GUCY1A2: variants seen among roughly 807,000 people sequenced by gnomAD.
GUCY1A2 encodes guanylate cyclase 1 soluble subunit alpha 2.
In GUCY1A2, 27 loss-of-function variants were observed where a neutral mutation model predicts 63.5. The observed-to-expected ratio is 0.43, with a 90% CI of 0.31 to 0.59. The LOEUF is 0.59. GUCY1A2 is among the 20% of genes least tolerant of loss of function. The pLI is 0.11. For synonymous variants in GUCY1A2, 364 were observed against 343.5 expected, an observed-to-expected ratio of 1.06 and a Z score of -0.66; for missense variants, 768 against 913.3, an observed-to-expected ratio of 0.84 and a Z score of 2.05.
chr11:106,699,565 CT>C (rs1490874155), intron 7 of GUCY1A2, among the ~76,000 whole-genome samples: 1 of 152,074 alleles, frequency 6.6e-6, no homozygotes, highest in Non-Finnish European at 1.5e-5. Flanking sequence ...AGATTAATGC[CT>C]TTAAATTCTG....
Position 107,018,158 on chromosome 11 carries a change from G to A in GUCY1A2, c.-103C>T. Reference sequence around the variant, plus strand: ...GGCAAGCGACAACGTTAAGCGCGTCGGGGCCGCGGGGCGCTGCGGTCGCGC... The same window carrying A: ...GGCAAGCGACAACGTTAAGCGCGTCAGGGCCGCGGGGCGCTGCGGTCGCGC... On this transcript the variant is annotated 5_prime_UTR_variant, in exon 1 of 8. An upstream open reading frame in the 5' UTR gains an earlier in-frame stop. Transcript: ENST00000526355. 1 of 583,150 alleles carries A rather than the reference G, an allele frequency of 1.7e-6. No homozygotes were observed. Among genetic ancestry groups the A allele is most frequent in the Non-Finnish European group, 2.4e-6 (1 of 414,560 alleles). 36.1% of individuals were successfully genotyped at this position (583,150 alleles called of 1,614,324 possible).
intron 4 of GUCY1A2, among the ~76,000 whole-genome samples, chr11:106,884,223 C>G (rs1263623400): frequency 2.0e-5 from 3 of 152,010 alleles, no homozygotes; most frequent in Non-Finnish European, 4.4e-5. Flanking sequence ...CTTCATTTTG[C>G]CTTTATGGTG....
chr11:106,859,049 T>G (rs1422694374), intron 4 of GUCY1A2, among the ~76,000 whole-genome samples: 1 of 152,064 alleles, frequency 6.6e-6, no homozygotes, highest in Non-Finnish European at 1.5e-5. Flanking sequence ...CTGGCCTCTT[T>G]TTGTCATAAT....
intron 4 of GUCY1A2, among the ~76,000 whole-genome samples, chr11:106,913,483 C>T (rs1860324270): frequency 6.6e-6 from 1 of 152,078 alleles, no homozygotes; most frequent in Non-Finnish European, 1.5e-5. Flanking sequence ...ACTCACTCAT[C>T]ACCATGAGGA....
At chr11:106,752,432 G>A (rs1380534605) in intron 6 of GUCY1A2, among the ~76,000 whole-genome samples, 1 of 152,114 alleles carries the variant, frequency 6.6e-6, no homozygotes, top group African/African-American at 2.4e-5. Flanking sequence ...TGTTACATAG[G>A]TATACATGTG....
At chr11:106,974,008 C>T (rs1325859419) in intron 3 of GUCY1A2, among the ~76,000 whole-genome samples, 2 of 152,036 alleles carry the variant, frequency 1.3e-5, no homozygotes, top group Admixed American at 1.3e-4. Context: ...TGAAGTAAAT[C>T]ATTCCAGTTC....
chr11:106,995,649 C>T (rs1191917957), intron 1 of GUCY1A2, among the ~76,000 whole-genome samples: 5 of 152,166 alleles, frequency 3.3e-5, no homozygotes, highest in African/African-American at 4.8e-5. Context: ...TAAAGTATTA[C>T]ACAAATATGT....
In GUCY1A2 at chr11:106,827,795, G is replaced by C. The variant is rs1858992145; in HGVS notation, c.1207-17317C>G. ...CCAAGAGAATATCTTCTGATGGAAA[G>C]TGAGTAGCCAACTGCTCCGCACAAG... is the stretch of plus-strand genomic sequence containing the variant. On this transcript the variant is annotated intron_variant, in intron 4 of 7. Transcript: ENST00000526355. The C allele has an allele frequency of 3.8e-6, 6 of 1,570,446 alleles. No individual in the cohort carries two copies. In the South Asian group the frequency reaches 6.7e-5, roughly 17 times the overall value.
At chr11:106,897,416 T>C (rs971144736) in intron 4 of GUCY1A2, among the ~76,000 whole-genome samples, 2 of 152,020 alleles carry the variant, frequency 1.3e-5, no homozygotes, top group African/African-American at 4.8e-5. Context: ...AAAAATAAAG[T>C]TGGAGGACTG....
intron 4 of GUCY1A2, among the ~76,000 whole-genome samples, chr11:106,855,222 G>A (rs534371031): frequency 6.6e-6 from 1 of 152,260 alleles, no homozygotes; most frequent in Admixed American, 6.5e-5. Context: ...CTAAGGGCCT[G>A]TGAGTGCTGA....
At chr11:106,877,395 T>C (rs1232880537) in intron 4 of GUCY1A2, among the ~76,000 whole-genome samples, 3 of 152,048 alleles carry the variant, frequency 2.0e-5, no homozygotes, top group Non-Finnish European at 4.4e-5. Context: ...CTTCAAACTA[T>C]ACTATAGGGC....
intron 6 of GUCY1A2, among the ~76,000 whole-genome samples, chr11:106,760,020 C>T (rs1864038549): frequency 6.7e-6 from 1 of 149,970 alleles, no homozygotes; most frequent in Non-Finnish European, 1.5e-5. Context: ...TTTATGCTGC[C>T]AAGGAACTAC....
At chr11:106,709,401 T>G (rs1230593246) in intron 6 of GUCY1A2, among the ~76,000 whole-genome samples, 3 of 98,286 alleles carry the variant, frequency 3.1e-5, no homozygotes, top group Non-Finnish European at 5.4e-5. Flanking sequence ...ATATAAATTA[T>G]ATATTATACT....
chr11:106,914,444 C>G (rs1046264209), intron 4 of GUCY1A2, among the ~76,000 whole-genome samples: 3 of 152,050 alleles, frequency 2.0e-5, no homozygotes, highest in African/African-American at 7.2e-5. Context: ...GTTTAGTTAC[C>G]TTAACATGTT....
At chr11:106,797,112 G>C (rs1188425137) in intron 5 of GUCY1A2, among the ~76,000 whole-genome samples, 3 of 152,108 alleles carry the variant, frequency 2.0e-5, no homozygotes, top group Non-Finnish European at 4.4e-5. Context: ...TCGTGCCATG[G>C]TTTTCTGCTC....
At chr11:106,779,399 A>G (rs539966375) in intron 5 of GUCY1A2, among the ~76,000 whole-genome samples, 1 of 152,286 alleles carries the variant, frequency 6.6e-6, no homozygotes, top group East Asian at 1.9e-4. Flanking sequence ...TAATAAGACA[A>G]TGTTCTTTGC....
chr11:106,872,490 T>C (rs929537610), intron 4 of GUCY1A2, among the ~76,000 whole-genome samples: 3 of 152,192 alleles, frequency 2.0e-5, no homozygotes, highest in African/African-American at 7.2e-5. Context: ...GGAACTTTAA[T>C]TCTGAAGACT....
At chr11:106,745,040 AT>A (rs1255345767) in intron 6 of GUCY1A2, among the ~76,000 whole-genome samples, 1 of 152,218 alleles carries the variant, frequency 6.6e-6, no homozygotes, top group African/African-American at 2.4e-5. Flanking sequence ...AAGGAAAAGA[AT>A]AAAAATTATT....
At chr11:106,838,243 C>A (rs1423568724) in intron 4 of GUCY1A2, among the ~76,000 whole-genome samples, 1 of 151,904 alleles carries the variant, frequency 6.6e-6, no homozygotes, top group East Asian at 1.9e-4. Context: ...CCGTGCCTTA[C>A]CCCCTTTCTA....
Sources: allele counts gnomAD v4.1 joint callset (sites outside exome capture counted in the v4.1 genomes callset), GRCh38; gene constraint gnomAD v4.1.1; transcripts MANE v1.5; gene names NCBI Gene and HGNC (gene_info 2026-07-23, HGNC 2026-07-21).